The following KCNIP1 variants were observed in gnomAD, a reference collection of about 807,000 sequenced individuals.
KCNIP1 encodes A-type potassium channel modulatory protein KCNIP1.
A neutral mutation model predicts 33.0 loss-of-function variants in KCNIP1; 18 were observed. That is an observed-to-expected ratio of 0.55 (90% CI 0.38 to 0.81). The LOEUF is 0.81. Among genes scored for constraint, KCNIP1 ranks in the 30% least tolerant of loss-of-function variants. The pLI is 0.00. For missense variants in KCNIP1, 238 were observed against 271.6 expected, an observed-to-expected ratio of 0.88 and a Z score of 0.87; for synonymous variants, 93 against 98.3, an observed-to-expected ratio of 0.95 and a Z score of 0.32.
chr5:170,484,944 T>TTC (rs1478454761), intron 1 of KCNIP1, among the ~76,000 whole-genome samples: 4 of 144,730 alleles, frequency 2.8e-5, no homozygotes, highest in Non-Finnish European at 6.1e-5. Context: ...TCTTTTTTCT[T>TTC]TTTTTTTTTT....
chr5:170,608,608 C>G (rs1759024122), intron 1 of KCNIP1, among the ~76,000 whole-genome samples: 1 of 151,950 alleles, frequency 6.6e-6, no homozygotes, highest in Admixed American at 6.6e-5. Context: ...CCCGTCTCTA[C>G]TAAAAATACA....
At chr5:170,682,784 C>CTTTTTTTTTTTTGTTTTTTTTTTTTTTT (rs1762397282) in intron 1 of KCNIP1, among the ~76,000 whole-genome samples, 1 of 71,404 alleles carries the variant, frequency 1.4e-5, no homozygotes, top group Non-Finnish European at 2.4e-5. Context: ...TTCTTTGTTT[C>CTTTTTTTTTTTTGTTTTTTTTTTTTTTT]TTTTTTTTTT....
Position 170,735,775 on chromosome 5 carries a change from G to A in KCNIP1, c.620G>A (p.Arg207Lys). 3 of 1,614,008 alleles carry A rather than the reference G, an allele frequency of 1.9e-6. No individual in the cohort carries two copies. The highest frequency in any genetic ancestry group is 2.5e-6 in the Non-Finnish European group (3 of 1,179,992). The change falls in exon 8 of 8, where the codon AGG becomes AAG. Residue 207 changes from arginine to lysine, a missense_variant. Physicochemically the swap from Arg to Lys is conservative, Grantham distance 26. Transcript: ENST00000328939. ...TTTTCCCAGGACGACAACATCATGAGGTCTCTCCAGCTGTTTCAAAATGTC... is the reference window on the plus strand; with the variant it reads ...TTTTCCCAGGACGACAACATCATGAAGTCTCTCCAGCTGTTTCAAAATGTC... ...ESCQEDDNIM[R>K]SLQLFQNVM is the part of the protein sequence containing the mutation.
chr5:170,596,812 G>A (rs1219014256), intron 1 of KCNIP1, among the ~76,000 whole-genome samples: 2 of 152,228 alleles, frequency 1.3e-5, no homozygotes, highest in Non-Finnish European at 1.5e-5. Context: ...GCCAAATGGA[G>A]GTTGTCCAGG....
chr5:170,631,883 C>T (rs996492110), intron 1 of KCNIP1, among the ~76,000 whole-genome samples: 28 of 152,222 alleles, frequency 1.8e-4, no homozygotes, highest in Non-Finnish European at 2.5e-4. Context: ...CTGGCACATA[C>T]TGGCAGCTGC....
At chr5:170,511,584 C>G (rs1014495691) in intron 1 of KCNIP1, among the ~76,000 whole-genome samples, 3 of 152,176 alleles carry the variant, frequency 2.0e-5, no homozygotes, top group Admixed American at 6.5e-5. Context: ...TGCAGGTCAC[C>G]CGCCAGGAAG....
At chr5:170,379,084 G>T in intron 1 of KCNIP1, 1 of 1,312,668 alleles carries the variant, frequency 7.6e-7, no homozygotes, top group Non-Finnish European at 1.0e-6. Flanking sequence ...CCCTGGATTG[G>T]AGTCGGGGCT....
chr5:170,404,335 G>GTT (rs1344823886), intron 1 of KCNIP1, among the ~76,000 whole-genome samples: 1 of 151,838 alleles, frequency 6.6e-6, no homozygotes, highest in African/African-American at 2.4e-5. Flanking sequence ...TTTGTAAATG[G>GTT]TTTTTCTGTA....
intron 1 of KCNIP1, among the ~76,000 whole-genome samples, chr5:170,453,845 A>T (rs1165906160): frequency 1.3e-5 from 2 of 152,256 alleles, no homozygotes; most frequent in East Asian, 3.9e-4. Flanking sequence ...CAAGAAACAG[A>T]CGTCCTTGGT....
rs751104199 is a variant in KCNIP1 at position 170,385,343 on chromosome 5, G to A, written c.88+31379G>A. 3 of 1,614,140 alleles carry A rather than the reference G, an allele frequency of 1.9e-6. No individual in the cohort carries two copies. The Admixed American group carries it at 5.0e-5, about 27-fold the overall frequency. ...TCTGGTAGAGGGGCAGCACAGTCGT[G>A]ACCAGGATGTAGTAGGTGATGACGG... On this transcript the variant is annotated intron_variant, in intron 1 of 7. Coordinates refer to the KCNIP1 transcript ENST00000377360.
Position 170,613,874 on chromosome 5 carries a change from G to A in KCNIP1, c.62-104884G>A, listed in dbSNP as rs145418778. 2.4e-3 allele frequency among the ~76,000 whole-genome samples: 359 copies of A among 152,310 alleles called. 3 individuals are homozygous for A. The highest frequency in any genetic ancestry group is 8.1e-3 in the African/African-American group (337 of 41,570). The stretch of plus-strand genomic sequence containing the variant: ...TGTGAATCCTTCACAGGGGCCACTT[G>A]GTGTCTGTGTGGCTGGCTCTTTGTG... On this transcript the variant is annotated intron_variant, in intron 1 of 7. Transcript: ENST00000328939.
At chr5:170,597,716 C>G (rs1411037014) in intron 1 of KCNIP1, among the ~76,000 whole-genome samples, 1 of 148,154 alleles carries the variant, frequency 6.7e-6, no homozygotes. Context: ...CCATACCAGG[C>G]TGGTTTCGGT....
At chr5:170,712,025 C>T (rs770666306) in intron 1 of KCNIP1, among the ~76,000 whole-genome samples, 15 of 152,100 alleles carry the variant, frequency 9.9e-5, no homozygotes, top group Admixed American at 2.6e-4. Context: ...CAAATAAGAG[C>T]CTACAGAGGA....
At chr5:170,693,657 T>C (rs980806030) in intron 1 of KCNIP1, among the ~76,000 whole-genome samples, 1 of 152,346 alleles carries the variant, frequency 6.6e-6, no homozygotes, top group East Asian at 1.9e-4. Context: ...CTGCTTTGAA[T>C]TGACATGAAC....
At chr5:170,718,735 A>C in intron 1 of KCNIP1, 23 bp from the exon 2 acceptor site, 1 of 1,613,312 alleles carries the variant, frequency 6.2e-7, no homozygotes, top group Non-Finnish European at 8.5e-7. Flanking sequence ...CAACCATTCC[A>C]ATGCCATCTC....
chr5:170,367,925 T>C (rs898900809), intron 1 of KCNIP1, among the ~76,000 whole-genome samples: 1 of 152,268 alleles, frequency 6.6e-6, no homozygotes, highest in African/African-American at 2.4e-5. Context: ...GTATTCATTA[T>C]GGTATTATTG....
At chr5:170,573,044 A>G (rs546506750) in intron 1 of KCNIP1, among the ~76,000 whole-genome samples, 1 of 152,348 alleles carries the variant, frequency 6.6e-6, no homozygotes, top group African/African-American at 2.4e-5. Flanking sequence ...TAAGCAGCAG[A>G]GCAGAGGGGC....
At chr5:170,687,690 C>T (rs184588085) in intron 1 of KCNIP1, among the ~76,000 whole-genome samples, 101 of 152,336 alleles carry the variant, frequency 6.6e-4, no homozygotes, top group African/African-American at 2.3e-3. Context: ...CTCTACGATG[C>T]ACCAGCCCTT....
At chr5:170,633,665 T>A (rs1379081833) in intron 1 of KCNIP1, among the ~76,000 whole-genome samples, 1 of 130,292 alleles carries the variant, frequency 7.7e-6, no homozygotes, top group Non-Finnish European at 1.6e-5. Flanking sequence ...GTCAGAGAGA[T>A]GGCGGTGGGC....
Sources: gnomAD v4.1 joint callset for allele counts (sites outside exome capture counted in the v4.1 genomes callset) on GRCh38, gnomAD v4.1.1 for gene constraint, MANE v1.5 for transcripts, NCBI Gene and HGNC (gene_info 2026-07-23, HGNC 2026-07-21) for gene names.